Variants in HOOK3 observed in about 807,000 individuals in gnomAD.
HOOK3 encodes hook microtubule tethering protein 3.
In HOOK3, 24 loss-of-function variants were observed where a neutral mutation model predicts 116.3. The ratio of observed to expected loss-of-function variants is 0.21; its 90% CI spans 0.15 to 0.29. HOOK3 has a LOEUF of 0.29. HOOK3 is among the 10% of genes least tolerant of loss of function. HOOK3 has a pLI of 1.00. For missense variants in HOOK3, 632 were observed against 830.2 expected, an observed-to-expected ratio of 0.76 and a Z score of 2.93; for synonymous variants, 275 against 283.0, an observed-to-expected ratio of 0.97 and a Z score of 0.28.
chr8:42,953,550 C>A (rs1306105459), intron 6 of HOOK3, among the ~76,000 whole-genome samples: 1 of 151,016 alleles, frequency 6.6e-6, no homozygotes, highest in South Asian at 2.1e-4. Flanking sequence ...GGTGATAGTG[C>A]CAGACTCCAT....
chr8:42,902,359 C>T (rs1430379706), intron 1 of HOOK3, among the ~76,000 whole-genome samples: 1 of 151,662 alleles, frequency 6.6e-6, no homozygotes, highest in Non-Finnish European at 1.5e-5. Context: ...GCAGTCCCGA[C>T]CCCCCAGGCT....
chr8:42,998,004 G>T, intron 16 of HOOK3: 1 of 245,826 alleles, frequency 4.1e-6, no homozygotes, highest in Non-Finnish European at 7.9e-6. Flanking sequence ...AATTTTTAAT[G>T]TAACAGTGAC....
intron 4 of HOOK3, among the ~76,000 whole-genome samples, chr8:42,939,058 C>T (rs550320250): frequency 4.1e-4 from 63 of 152,264 alleles, no homozygotes; most frequent in African/African-American, 1.4e-3. Flanking sequence ...AACAGGATCC[C>T]AAGGCAGAAG....
chr8:42,943,969 C>T lies in HOOK3; in HGVS notation c.400+524C>T, dbSNP rs1433211857. Among the ~76,000 whole-genome samples, 2 of 152,124 alleles carry T rather than the reference C, an allele frequency of 1.3e-5. 1 individual carries two copies. The highest frequency in any genetic ancestry group is 1.3e-4 in the Admixed American group (2 of 15,272). ...TAAAAATAAATTTTGAATTGGGTTT[C>T]CTACCCCAAAATCTGGCAGATACTT... On this transcript the variant is annotated intron_variant, in intron 5 of 21. Transcript: ENST00000307602.
In HOOK3 at chr8:43,019,860, T is replaced by C. The variant is rs535085103; in HGVS notation, c.*1362T>C. The stretch of plus-strand genomic sequence containing the variant: ...AGCCCATTTTTTGAAAGCAAAACAT[T>C]TCTGAAATTAGGTCATGGTTTTTTT... On this transcript the variant is annotated 3_prime_UTR_variant, in exon 22 of 22. Transcript: ENST00000307602. The C allele has an allele frequency of 4.9e-6, 1 of 204,308 alleles. No homozygotes were observed. Among genetic ancestry groups the C allele is most frequent in the South Asian group, 1.9e-4 (1 of 5,270 alleles). The allele number at this position is 204,308 out of a possible 1,614,324, so 12.7% of individuals were successfully genotyped here.
At chr8:42,965,601 C>T (rs534923751) in intron 9 of HOOK3, among the ~76,000 whole-genome samples, 2 of 152,222 alleles carry the variant, frequency 1.3e-5, no homozygotes, top group South Asian at 2.1e-4. Flanking sequence ...CTAAAAAGTG[C>T]GTCATCACTT....
Position 43,027,003 on chromosome 8 carries a change from C to CA in HOOK3, c.*8506dup, listed in dbSNP as rs1230460914. ...ACCTCCCGGTTTCAAGTGATTCTCC[C>CA]ACCTCAGCCTCCCGAGTAGTTAGGA... On this transcript the variant is annotated 3_prime_UTR_variant, in exon 22 of 22. Transcript: ENST00000307602. 4 of 181,032 alleles carry CA rather than the reference C, an allele frequency of 2.2e-5. No individual in the cohort carries two copies. Among genetic ancestry groups the CA allele is most frequent in the African/African-American group, 7.1e-5 (3 of 42,354 alleles). The allele number at this position is 181,032 out of a possible 1,614,324, so 11.2% of individuals were successfully genotyped here. A position where few individuals can be genotyped will look rare whatever the true frequency, so the allele number is the denominator to read the frequency against.
chr8:42,995,223 T>C (rs532711388), intron 15 of HOOK3, among the ~76,000 whole-genome samples: 34 of 152,218 alleles, frequency 2.2e-4, no homozygotes, highest in Non-Finnish European at 4.4e-4. Flanking sequence ...TTAAACTGTT[T>C]GGCTGTTTGG....
intron 3 of HOOK3, among the ~76,000 whole-genome samples, chr8:42,929,165 A>G (rs767165923): frequency 6.6e-6 from 1 of 152,242 alleles, no homozygotes; most frequent in South Asian, 2.1e-4. Flanking sequence ...TATTAAAAAT[A>G]CGGGAAAATG....
intron 13 of HOOK3, 57 bp from the exon 14 acceptor site, chr8:42,982,570 G>A (rs1808972740): frequency 4.9e-6 from 6 of 1,230,434 alleles, no homozygotes; most frequent in Non-Finnish European, 7.2e-6. Context: ...GTTTCATATC[G>A]AAAGTTGTGT....
chr8:42,975,668 C>T (rs1435243980), intron 13 of HOOK3, among the ~76,000 whole-genome samples: 1 of 152,154 alleles, frequency 6.6e-6, no homozygotes, highest in Non-Finnish European at 1.5e-5. Flanking sequence ...AAAGGAGAAA[C>T]AAAAGTAGTG....
At chr8:42,931,334 A>G (rs1322761259) in intron 4 of HOOK3, among the ~76,000 whole-genome samples, 2 of 138,530 alleles carry the variant, frequency 1.4e-5, no homozygotes, top group African/African-American at 5.5e-5. Context: ...CACCCTGTTT[A>G]TTGTTTATTC....
In HOOK3 at chr8:43,026,284, CTT is replaced by C. The variant is rs1459167181; in HGVS notation, c.*7787_*7788del. The C allele has an allele frequency of 3.6e-5, 7 of 193,830 alleles. No individual in the cohort carries two copies. The East Asian group carries it at 5.7e-4, about 16-fold the overall frequency. The allele number at this position is 193,830 out of a possible 1,614,324, so 12.0% of individuals were successfully genotyped here. A position where few individuals can be genotyped will look rare whatever the true frequency, so the allele number is the denominator to read the frequency against. ...TTAATATATAGTCTTTATATAGTATCTTAATATTATTTACTGTTACTTCTAGT... is the reference window on the plus strand; with the variant it reads ...TTAATATATAGTCTTTATATAGTATCAATATTATTTACTGTTACTTCTAGT... On this transcript the variant is annotated 3_prime_UTR_variant, in exon 22 of 22. Transcript: ENST00000307602.
chr8:42,994,747 T>G (rs1052862749), intron 15 of HOOK3, among the ~76,000 whole-genome samples: 1 of 152,258 alleles, frequency 6.6e-6, no homozygotes, highest in Non-Finnish European at 1.5e-5. Flanking sequence ...GTTGCTTACA[T>G]ACTGCATACT....
At chr8:42,942,957 A>G (rs1013266620) in intron 4 of HOOK3, among the ~76,000 whole-genome samples, 1 of 152,244 alleles carries the variant, frequency 6.6e-6, no homozygotes, top group Non-Finnish European at 1.5e-5. Flanking sequence ...TGTTGGGGAC[A>G]TGAATTTATA....
chr8:42,934,548 C>A (rs1425887902), intron 4 of HOOK3, among the ~76,000 whole-genome samples: 3 of 152,064 alleles, frequency 2.0e-5, no homozygotes, highest in Non-Finnish European at 2.9e-5. Flanking sequence ...CCCTAGCCCC[C>A]CTCCCCCGCA....
chr8:42,992,374 T>C (rs1277072014), intron 15 of HOOK3, among the ~76,000 whole-genome samples: 1 of 119,914 alleles, frequency 8.3e-6, no homozygotes, highest in Non-Finnish European at 1.6e-5. Flanking sequence ...CACTCCAGCC[T>C]GGGCGACAGA....
rs1333198405 is a variant in HOOK3 at position 42,899,183 on chromosome 8, C to G, written c.57+1995C>G. Reference sequence around the variant, plus strand: ...GCTGATAAAAATATACAGGAGAAATCTTAGAAGTTTGAAGGCCTGCTGACA... The same window carrying G: ...GCTGATAAAAATATACAGGAGAAATGTTAGAAGTTTGAAGGCCTGCTGACA... On this transcript the variant is annotated intron_variant, in intron 1 of 21. Transcript: ENST00000307602. Among the ~76,000 whole-genome samples the G allele has an allele frequency of 2.6e-5, 4 of 152,178 alleles. No individual in the cohort carries two copies. The East Asian group carries it at 7.7e-4, about 29-fold the overall frequency.
intron 6 of HOOK3, 138 bp downstream of exon 6, chr8:42,950,593 C>T (rs1808320835): frequency 2.0e-6 from 1 of 502,202 alleles, no homozygotes; most frequent in Admixed American, 3.5e-5. Flanking sequence ...TATAGCTTTT[C>T]TTGTTTTTAT....
Sources: gnomAD v4.1 joint callset for allele counts (sites outside exome capture counted in the v4.1 genomes callset) on GRCh38, gnomAD v4.1.1 for gene constraint, MANE v1.5 for transcripts, NCBI Gene and HGNC (gene_info 2026-07-23, HGNC 2026-07-21) for gene names.